KCNIP4: variants seen among roughly 807,000 people sequenced by gnomAD.
KCNIP4 encodes the protein potassium voltage-gated channel interacting protein 4.
A neutral mutation model predicts 34.0 loss-of-function variants in KCNIP4; 12 were observed. The ratio of observed to expected loss-of-function variants is 0.35; its 90% confidence interval spans 0.23 to 0.57. KCNIP4 has a LOEUF of 0.57. Ranked by LOEUF, KCNIP4 falls within the 20% of genes least tolerant of loss-of-function variation. The pLI, the probability that KCNIP4 is intolerant of heterozygous loss-of-function variation, is 0.83. For synonymous variants in KCNIP4, 124 were observed against 102.2 expected (o/e 1.21, Z -1.29); for missense variants, 238 against 311.7 (o/e 0.76, Z 1.78).
At chr4:21,758,210 G>A (rs1717798236) in intron 1 of KCNIP4, among the ~76,000 whole-genome samples, 1 of 152,096 alleles carries the variant, frequency 6.6e-6, no homozygotes, top group African/African-American at 2.4e-5. Flanking sequence ...TAGGTACTGG[G>A]GATACAGAGG....
intron 1 of KCNIP4, among the ~76,000 whole-genome samples, chr4:21,929,417 T>A (rs544848418): frequency 6.6e-6 from 1 of 152,244 alleles, no homozygotes; most frequent in African/African-American, 2.4e-5. Context: ...TTCTTCAGTA[T>A]TTTTATAAGT....
At chr4:21,558,353 G>A (rs926569093) in intron 1 of KCNIP4, among the ~76,000 whole-genome samples, 4 of 151,988 alleles carry the variant, frequency 2.6e-5, no homozygotes, top group African/African-American at 4.8e-5. Context: ...TCAGCCAGGT[G>A]TGGTGGCGTA....
chr4:20,774,589 C>T (rs943182732), intron 3 of KCNIP4, among the ~76,000 whole-genome samples: 1 of 152,152 alleles, frequency 6.6e-6, no homozygotes, highest in African/African-American at 2.4e-5. Flanking sequence ...ACACATAAAA[C>T]AAAGTTCTGT....
chr4:20,869,310 C>T (rs530880514), intron 2 of KCNIP4, among the ~76,000 whole-genome samples: 3 of 152,118 alleles, frequency 2.0e-5, no homozygotes, highest in Middle Eastern at 6.8e-3. Flanking sequence ...ACCTAGTTTC[C>T]TCCTTGGCCT....
intron 1 of KCNIP4, among the ~76,000 whole-genome samples, chr4:21,406,840 A>ATTAT (rs1724035005): frequency 6.6e-6 from 1 of 152,196 alleles, no homozygotes; most frequent in Non-Finnish European, 1.5e-5. Flanking sequence ...TCAGGCAAAA[A>ATTAT]TTATTTTGGA....
chr4:20,842,442 G>C (rs1719855835), intron 3 of KCNIP4, among the ~76,000 whole-genome samples: 1 of 151,976 alleles, frequency 6.6e-6, no homozygotes, highest in African/African-American at 2.4e-5. Flanking sequence ...GAAGATGGTT[G>C]GTCAAGGCCT....
At chr4:21,184,350 C>A (rs1161028221) in intron 1 of KCNIP4, among the ~76,000 whole-genome samples, 1 of 152,136 alleles carries the variant, frequency 6.6e-6, no homozygotes, top group Admixed American at 6.6e-5. Flanking sequence ...CCCTCTAGTT[C>A]AAATGCTGAA....
intron 1 of KCNIP4, among the ~76,000 whole-genome samples, chr4:21,675,060 G>C (rs1035168462): frequency 3.3e-5 from 5 of 152,100 alleles, no homozygotes; most frequent in Non-Finnish European, 7.4e-5. Flanking sequence ...TCCATCAACA[G>C]ATGAATGGAT....
At chr4:21,916,829 C>T (rs1728657356) in intron 1 of KCNIP4, among the ~76,000 whole-genome samples, 1 of 152,184 alleles carries the variant, frequency 6.6e-6, no homozygotes, top group African/African-American at 2.4e-5. Context: ...GATGCTCCTT[C>T]TTATCAGCAA....
At chr4:21,340,134 A>C (rs1716606481) in intron 1 of KCNIP4, among the ~76,000 whole-genome samples, 1 of 152,158 alleles carries the variant, frequency 6.6e-6, no homozygotes, top group South Asian at 2.1e-4. Context: ...GGCAATGTTA[A>C]TCATCATTTT....
At chr4:21,565,325 C>T (rs574964800) in intron 1 of KCNIP4, among the ~76,000 whole-genome samples, 80 of 152,178 alleles carry the variant, frequency 5.3e-4, no homozygotes, top group Admixed American at 2.0e-3. Flanking sequence ...CTTTTACTTT[C>T]GAAAGTGCTA....
intron 2 of KCNIP4, among the ~76,000 whole-genome samples, chr4:20,866,092 A>G (rs1358364488): frequency 6.6e-6 from 1 of 152,042 alleles, no homozygotes; most frequent in Admixed American, 6.6e-5. Flanking sequence ...AGAAGAACTG[A>G]TACCATTCCT....
chr4:20,992,693 C>A (rs1480734749), intron 1 of KCNIP4, among the ~76,000 whole-genome samples: 1 of 151,982 alleles, frequency 6.6e-6, no homozygotes, highest in African/African-American at 2.4e-5. Context: ...TTTTCACCAA[C>A]CTTAGAGCCC....
At chr4:20,833,525 G>A (rs554947446) in intron 3 of KCNIP4, among the ~76,000 whole-genome samples, 3 of 148,000 alleles carry the variant, frequency 2.0e-5, no homozygotes, top group Non-Finnish European at 3.0e-5. Context: ...AAATCTTTAC[G>A]GGTCATATGT....
At chr4:21,631,319 T>G (rs1745752361) in intron 1 of KCNIP4, among the ~76,000 whole-genome samples, 1 of 152,218 alleles carries the variant, frequency 6.6e-6, no homozygotes, top group Non-Finnish European at 1.5e-5. Flanking sequence ...TTATTTTAAT[T>G]AATGACATTT....
chr4:21,102,540 T>C (rs944242995), intron 1 of KCNIP4, among the ~76,000 whole-genome samples: 3 of 152,162 alleles, frequency 2.0e-5, no homozygotes, highest in Admixed American at 2.0e-4. Context: ...GGATTGAGGA[T>C]ATAAATTAGG....
At chr4:20,894,551 T>C (rs1726295465) in intron 1 of KCNIP4, among the ~76,000 whole-genome samples, 1 of 152,220 alleles carries the variant, frequency 6.6e-6, no homozygotes, top group Admixed American at 6.5e-5. Flanking sequence ...TTTTATTTTC[T>C]CTTAGTATAA....
chr4:20,801,282 G>GT (rs2149417546), intron 3 of KCNIP4, among the ~76,000 whole-genome samples: 1 of 142,066 alleles, frequency 7.0e-6, no homozygotes, highest in East Asian at 2.0e-4. Flanking sequence ...GCTTAAGGAA[G>GT]TTTTTCAAAA....
At chr4:21,436,407 T>C (rs1270617233) in intron 1 of KCNIP4, among the ~76,000 whole-genome samples, 5 of 152,196 alleles carry the variant, frequency 3.3e-5, no homozygotes, top group African/African-American at 4.8e-5. Context: ...TTTTTGGATA[T>C]TTACTTCCCA....
Sources: allele counts gnomAD v4.1 joint callset (sites outside exome capture counted in the v4.1 genomes callset), GRCh38; gene constraint gnomAD v4.1.1; transcripts MANE v1.5; gene names NCBI Gene and HGNC (gene_info 2026-07-23, HGNC 2026-07-21).